Variants in FCHO2 observed in about 807,000 individuals in gnomAD.
The protein encoded by FCHO2 is FCH and mu domain containing endocytic adaptor 2.
A neutral mutation model predicts 114.1 loss-of-function variants in FCHO2; 43 were observed. The ratio of observed to expected loss-of-function variants is 0.38; its 90% CI spans 0.30 to 0.49. The LOEUF (loss-of-function observed/expected upper bound fraction) is 0.49. Among genes scored for constraint, FCHO2 ranks in the 20% least tolerant of loss-of-function variants. The pLI is 0.97. For missense variants in FCHO2, 807 were observed against 950.4 expected (o/e 0.85, Z 1.98); for synonymous variants, 293 against 315.2 (o/e 0.93, Z 0.75).
At chr5:73,071,492 A>G (rs1436962942) in intron 19 of FCHO2, among the ~76,000 whole-genome samples, 2 of 152,052 alleles carry the variant, frequency 1.3e-5, no homozygotes, top group Non-Finnish European at 2.9e-5. Context: ...TGTTATAAGA[A>G]GGTACCCTAT....
intron 5 of FCHO2, among the ~76,000 whole-genome samples, chr5:72,994,265 A>G (rs144137772): frequency 2.8e-4 from 42 of 152,336 alleles, no homozygotes; most frequent in African/African-American, 9.6e-4. Flanking sequence ...TCCAGCATCT[A>G]TAAGGCACTT....
At chr5:73,056,231 C>T in intron 16 of FCHO2, 124 bp downstream of exon 16, 1 of 665,050 alleles carries the variant, frequency 1.5e-6, no homozygotes, top group South Asian at 2.2e-5. Flanking sequence ...CCTTCATATG[C>T]CCAGTCTCTC....
At chr5:73,057,983 C>T (rs1433626182) in intron 16 of FCHO2, among the ~76,000 whole-genome samples, 1 of 152,062 alleles carries the variant, frequency 6.6e-6, no homozygotes, top group Admixed American at 6.6e-5. Flanking sequence ...ACATATACTA[C>T]TGATAGAGTA....
At chr5:72,993,217 C>T (rs1269295240) in intron 5 of FCHO2, among the ~76,000 whole-genome samples, 2 of 150,802 alleles carry the variant, frequency 1.3e-5, no homozygotes, top group Non-Finnish European at 3.0e-5. Flanking sequence ...TAGAAAAAAA[C>T]AGCTAATTAG....
intron 5 of FCHO2, among the ~76,000 whole-genome samples, chr5:72,994,294 AAAAC>A (rs1339680064): frequency 6.6e-6 from 1 of 152,154 alleles, no homozygotes; most frequent in Non-Finnish European, 1.5e-5. Flanking sequence ...TTACAAGAGA[AAAAC>A]AACCCTATTA....
At chr5:73,014,419 G>A (rs1561448884) in intron 6 of FCHO2, among the ~76,000 whole-genome samples, 1 of 151,252 alleles carries the variant, frequency 6.6e-6, no homozygotes, top group Non-Finnish European at 1.5e-5. Flanking sequence ...CTGCCAAGTA[G>A]CTGGGATTAC....
At chr5:73,081,262 C>A (rs1743079946) in intron 22 of FCHO2, among the ~76,000 whole-genome samples, 1 of 152,106 alleles carries the variant, frequency 6.6e-6, no homozygotes, top group Admixed American at 6.5e-5. Context: ...AGCCATTGGA[C>A]AAGGAGCTTA....
chr5:73,064,974 T>TTG (rs1232077802), intron 18 of FCHO2, among the ~76,000 whole-genome samples: 4 of 151,700 alleles, frequency 2.6e-5, no homozygotes, highest in African/African-American at 9.7e-5. Context: ...TGTACTTTTT[T>TTG]TGTGTGTGTT....
At chr5:73,020,722 T>A in intron 8 of FCHO2, 1 of 1,200,396 alleles carries the variant, frequency 8.3e-7, no homozygotes, top group Non-Finnish European at 1.2e-6. Flanking sequence ...GATGCTCATT[T>A]TCTGTTCTAC....
chr5:72,961,472 CT>C (rs1399961410), intron 1 of FCHO2, among the ~76,000 whole-genome samples: 2 of 151,976 alleles, frequency 1.3e-5, no homozygotes, highest in Non-Finnish European at 2.9e-5. Context: ...TATATATTTA[CT>C]TTATACATTA....
At chr5:73,040,544 A>G (rs1756754222) in intron 10 of FCHO2, among the ~76,000 whole-genome samples, 2 of 152,182 alleles carry the variant, frequency 1.3e-5, no homozygotes, top group African/African-American at 4.8e-5. Context: ...CACTGTCCTT[A>G]GTTGTACATA....
intron 2 of FCHO2, among the ~76,000 whole-genome samples, chr5:72,987,442 A>G (rs1365588405): frequency 3.3e-5 from 5 of 152,062 alleles, no homozygotes; most frequent in Non-Finnish European, 5.9e-5. Context: ...GATTCAAGCG[A>G]TTCTCCTGCC....
intron 19 of FCHO2, among the ~76,000 whole-genome samples, chr5:73,069,318 ATTACAT>A (rs911577493): frequency 6.6e-6 from 1 of 152,088 alleles, no homozygotes; most frequent in African/African-American, 2.4e-5. Flanking sequence ...ATTCAAGTGC[ATTACAT>A]TTATTGTGCA....
intron 9 of FCHO2, 98 bp downstream of exon 9, chr5:73,034,799 A>G: frequency 1.1e-6 from 1 of 925,980 alleles, no homozygotes; most frequent in Non-Finnish European, 1.6e-6. Flanking sequence ...CCTAGGTGTC[A>G]GCATACCTAT....
intron 1 of FCHO2, among the ~76,000 whole-genome samples, chr5:72,962,045 C>G (rs1383364835): frequency 1.3e-5 from 2 of 152,180 alleles, no homozygotes; most frequent in African/African-American, 4.8e-5. Context: ...ACTACAGATT[C>G]ATTTAACTTG....
Position 72,968,596 on chromosome 5 carries a change from A to AT in FCHO2, c.125+13dup. The AT allele has an allele frequency of 2.0e-6, 3 of 1,496,214 alleles. No homozygotes were observed. In the South Asian group the frequency reaches 4.2e-5, roughly 21 times the overall value. 92.7% of individuals were successfully genotyped at this position (1,496,214 alleles called of 1,614,324 possible). ...CAGATTTTGTAAGGGAACGGTATGTATTTTTTAAATAAGTAATTTGTTTAA... is the reference window on the plus strand; with the variant it reads ...CAGATTTTGTAAGGGAACGGTATGTATTTTTTTAAATAAGTAATTTGTTTAA... On this transcript the variant is annotated splice_region_variant and intron_variant, in intron 2 of 25. Coordinates refer to ENST00000430046, the MANE Select transcript of FCHO2 (RefSeq NM_138782.3).
intron 11 of FCHO2, among the ~76,000 whole-genome samples, chr5:73,048,162 T>C (rs1406151637): frequency 6.6e-6 from 1 of 152,088 alleles, no homozygotes; most frequent in East Asian, 1.9e-4. Context: ...TTTTTTTAAA[T>C]ATTTTTGCCG....
intron 2 of FCHO2, among the ~76,000 whole-genome samples, chr5:72,975,460 G>A (rs1030186706): frequency 1.4e-4 from 22 of 152,168 alleles, no homozygotes; most frequent in African/African-American, 5.1e-4. Flanking sequence ...CCAAGTAGCT[G>A]GGATTATAGC....
intron 2 of FCHO2, among the ~76,000 whole-genome samples, chr5:72,977,874 G>A (rs1275020064): frequency 2.0e-5 from 3 of 152,144 alleles, no homozygotes; most frequent in African/African-American, 4.8e-5. Context: ...TATTAAATAG[G>A]GAATCTTTTC....
Sources: allele counts gnomAD v4.1 joint callset (sites outside exome capture counted in the v4.1 genomes callset), GRCh38; gene constraint gnomAD v4.1.1; transcripts MANE v1.5; gene names NCBI Gene and HGNC (gene_info 2026-07-23, HGNC 2026-07-21).